GRAMD1B: variants seen among roughly 807,000 people sequenced by gnomAD.
The protein encoded by GRAMD1B is GRAM domain containing 1B.
A neutral mutation model predicts 99.7 loss-of-function variants in GRAMD1B; 37 were observed. The observed-to-expected ratio is 0.37, with a 90% CI of 0.29 to 0.49. The LOEUF (loss-of-function observed/expected upper bound fraction) is 0.49. GRAMD1B is among the 20% of genes least tolerant of loss of function. GRAMD1B has a pLI of 0.98. For synonymous variants in GRAMD1B, 427 were observed against 387.6 expected, an observed-to-expected ratio of 1.10 and a Z score of -1.19; for missense variants, 888 against 1,009.2, an observed-to-expected ratio of 0.88 and a Z score of 1.63.
At chr11:123,453,514 G>A (rs897899077) in intron 1 of GRAMD1B, among the ~76,000 whole-genome samples, 5 of 151,872 alleles carry the variant, frequency 3.3e-5, no homozygotes, top group East Asian at 1.9e-4. Flanking sequence ...ACGGGGTTTC[G>A]CCATGTTGGG....
At chr11:123,457,134 A>AAAGGAAGG (rs1950190180) in intron 1 of GRAMD1B, among the ~76,000 whole-genome samples, 1 of 147,484 alleles carries the variant, frequency 6.8e-6, no homozygotes, top group Non-Finnish European at 1.5e-5. Flanking sequence ...AGAAAGAAAG[A>AAAGGAAGG]AAGAATTAGA....
chr11:123,421,952 T>A (rs573704450), intron 1 of GRAMD1B, among the ~76,000 whole-genome samples: 3 of 152,368 alleles, frequency 2.0e-5, no homozygotes, highest in African/African-American at 7.2e-5. Flanking sequence ...AGATATTTTT[T>A]AAATCTGTAT....
intron 1 of GRAMD1B, among the ~76,000 whole-genome samples, chr11:123,387,997 G>T (rs1386665888): frequency 2.6e-5 from 4 of 151,526 alleles, no homozygotes; most frequent in Non-Finnish European, 2.9e-5. Context: ...GTGGTGGCAG[G>T]TGCCTGTAAT....
chr11:123,498,468 A>G (rs1254980644), intron 2 of GRAMD1B, among the ~76,000 whole-genome samples: 1 of 152,190 alleles, frequency 6.6e-6, no homozygotes, highest in Non-Finnish European at 1.5e-5. Flanking sequence ...GCCCTCTTCA[A>G]TGTCTCTTTC....
At chr11:123,434,742 C>A (rs964603392) in intron 1 of GRAMD1B, among the ~76,000 whole-genome samples, 1 of 152,190 alleles carries the variant, frequency 6.6e-6, no homozygotes, top group Non-Finnish European at 1.5e-5. Context: ...GAGCTGAGAT[C>A]ACACCACTGC....
At chr11:123,478,249 C>T (rs1046214180) in intron 1 of GRAMD1B, among the ~76,000 whole-genome samples, 2 of 152,010 alleles carry the variant, frequency 1.3e-5, no homozygotes, top group Admixed American at 6.6e-5. Flanking sequence ...TGGGTTTGAG[C>T]GATCCTCCGG....
In GRAMD1B at chr11:123,492,832, CCT is replaced by C. The variant is rs140417038; in HGVS notation, c.452+11952_452+11953del. On this transcript the variant is annotated intron_variant, in intron 2 of 19. Coordinates refer to ENST00000635736, the MANE Select transcript of GRAMD1B (RefSeq NM_001387025.1). This position sits in a 1 kb window ranked among gnomAD's most constrained non-coding sequence, Gnocchi z 4.2. ...AGGCAGTAGGTGGCTTAACCTCAATCCTCTCTCTCTCTCTGTCTCTCTCTTTC... is the reference window on the plus strand; with the variant it reads ...AGGCAGTAGGTGGCTTAACCTCAATCCTCTCTCTCTCTGTCTCTCTCTTTC... Among the ~76,000 whole-genome samples, 1,643 of 145,092 alleles carry C rather than the reference CCT, an allele frequency of 0.011. 27 individuals are homozygous for C. Among genetic ancestry groups the C allele is most frequent in the African/African-American group, 0.041 (1,565 of 38,456 alleles).
At chr11:123,525,990 T>C (rs1032110779) in intron 2 of GRAMD1B, 39 of 639,014 alleles carry the variant, frequency 6.1e-5, no homozygotes, top group Non-Finnish European at 9.9e-5. Flanking sequence ...TTCTTCTGGC[T>C]CTTTCTCCCT....
intron 2 of GRAMD1B, among the ~76,000 whole-genome samples, chr11:123,521,762 G>C (rs1293137724): frequency 6.6e-6 from 1 of 152,204 alleles, no homozygotes; most frequent in African/African-American, 2.4e-5. Flanking sequence ...CAGTGAGAGT[G>C]TAGTCCACTG....
At chr11:123,621,889 T>G (rs966618792) in intron 19 of GRAMD1B, among the ~76,000 whole-genome samples, 4 of 57,418 alleles carry the variant, frequency 7.0e-5, no homozygotes, top group African/African-American at 1.7e-4. Context: ...TTTTTCTTTC[T>G]TTCTTTCTTT....
chr11:123,608,634 C>A, intron 11 of GRAMD1B, 25 bp from the exon 12 acceptor site: 1 of 1,573,150 alleles, frequency 6.4e-7, no homozygotes, highest in Non-Finnish European at 8.6e-7. Context: ...TCACTGTCTA[C>A]TTCCTGATCC....
At chr11:123,387,650 C>T (rs1947112722) in intron 1 of GRAMD1B, among the ~76,000 whole-genome samples, 1 of 152,148 alleles carries the variant, frequency 6.6e-6, no homozygotes, top group Admixed American at 6.6e-5. Context: ...CATTTCCAGA[C>T]ATCTCAGGGT....
chr11:123,376,232 T>C (rs900358119), intron 1 of GRAMD1B, among the ~76,000 whole-genome samples: 13 of 152,220 alleles, frequency 8.5e-5, no homozygotes, highest in African/African-American at 3.1e-4. Flanking sequence ...ACTACCTTCT[T>C]AATATAACTA....
chr11:123,374,181 A>G (rs1946620539), intron 1 of GRAMD1B, among the ~76,000 whole-genome samples: 1 of 152,142 alleles, frequency 6.6e-6, no homozygotes, highest in Non-Finnish European at 1.5e-5. Context: ...TATCTATATT[A>G]GTGTTTCTGT....
At chr11:123,526,874 T>C (rs553895407) in intron 2 of GRAMD1B, among the ~76,000 whole-genome samples, 2 of 152,322 alleles carry the variant, frequency 1.3e-5, no homozygotes, top group Admixed American at 6.5e-5. Context: ...ATTTAAAAAA[T>C]AAAACCTTTA....
intron 1 of GRAMD1B, among the ~76,000 whole-genome samples, chr11:123,464,350 C>T (rs1043075088): frequency 6.6e-6 from 1 of 152,084 alleles, no homozygotes; most frequent in African/African-American, 2.4e-5. Context: ...CATCTAGGCA[C>T]ATTAGCATGC....
chr11:123,418,613 G>T (rs1042412317), intron 1 of GRAMD1B, among the ~76,000 whole-genome samples: 1 of 152,160 alleles, frequency 6.6e-6, no homozygotes, highest in African/African-American at 2.4e-5. Context: ...CCTCCTCTGT[G>T]GTGTTGGCTT....
chr11:123,597,800 C>T, intron 7 of GRAMD1B: 1 of 601,884 alleles, frequency 1.7e-6, no homozygotes, highest in East Asian at 2.8e-5. Context: ...ATTCTGCCAG[C>T]CTGCCTTGTT....
chr11:123,376,151 T>C (rs1357890393), intron 1 of GRAMD1B, among the ~76,000 whole-genome samples: 4 of 149,730 alleles, frequency 2.7e-5, no homozygotes, highest in South Asian at 4.2e-4. Context: ...ATTTCTAAAC[T>C]TGAAAAAAAA....
Sources: gnomAD v4.1 joint callset for allele counts (sites outside exome capture counted in the v4.1 genomes callset) on GRCh38, gnomAD v4.1.1 for gene constraint, Gnocchi (gnomAD v3.1) non-coding constraint, MANE v1.5 for transcripts, NCBI Gene and HGNC (gene_info 2026-07-23, HGNC 2026-07-21) for gene names.